The following GALNTL6 variants were observed in gnomAD, a reference collection of about 807,000 sequenced individuals.
The protein encoded by GALNTL6 is polypeptide N-acetylgalactosaminyltransferase like 6, also known as polypeptide N-acetylgalactosaminyltransferase-like 6.
In GALNTL6, 46 loss-of-function variants were observed where a neutral mutation model predicts 73.7. The ratio of observed to expected loss-of-function variants is 0.62; its 90% CI spans 0.49 to 0.80. GALNTL6 has a LOEUF of 0.80. Among genes scored for constraint, GALNTL6 ranks in the 30% least tolerant of loss-of-function variants. GALNTL6 has a pLI of 0.00. For synonymous variants in GALNTL6, 259 were observed against 263.7 expected (o/e 0.98, Z 0.17); for missense variants, 604 against 755.0 (o/e 0.80, Z 2.34).
chr4:172,397,205 A>G (rs1291387031), intron 5 of GALNTL6, among the ~76,000 whole-genome samples: 1 of 152,222 alleles, frequency 6.6e-6, no homozygotes, highest in Non-Finnish European at 1.5e-5. Context: ...AGGAGTCTTC[A>G]TATTACATAT....
chr4:172,659,638 G>A (rs757599599), intron 5 of GALNTL6, among the ~76,000 whole-genome samples: 1 of 151,974 alleles, frequency 6.6e-6, no homozygotes, highest in Non-Finnish European at 1.5e-5. Context: ...GTGCCTAATT[G>A]GATAGGCCAT....
chr4:172,870,052 G>GTCATCATCATCA (rs55936018), intron 7 of GALNTL6, among the ~76,000 whole-genome samples: 1 of 143,056 alleles, frequency 7.0e-6, no homozygotes, highest in Non-Finnish European at 1.5e-5. Context: ...GACCTTTACT[G>GTCATCATCATCA]TCATCATCAT....
At chr4:171,918,118 G>T (rs570871969) in intron 2 of GALNTL6, among the ~76,000 whole-genome samples, 1 of 152,098 alleles carries the variant, frequency 6.6e-6, no homozygotes, top group East Asian at 1.9e-4. Context: ...GTTTTGTTGT[G>T]CTGATTTCAT....
At chr4:172,100,876 G>A (rs1272161017) in intron 2 of GALNTL6, among the ~76,000 whole-genome samples, 5 of 152,082 alleles carry the variant, frequency 3.3e-5, no homozygotes, top group Non-Finnish European at 5.9e-5. Flanking sequence ...CTAGCTCATA[G>A]TATGGAAGTA....
intron 5 of GALNTL6, among the ~76,000 whole-genome samples, chr4:172,768,141 C>T (rs1179736061): frequency 7.9e-5 from 12 of 152,060 alleles, no homozygotes. Flanking sequence ...GAAGTCTATC[C>T]TATTTTATTG....
intron 10 of GALNTL6, among the ~76,000 whole-genome samples, chr4:172,988,831 C>T (rs917914796): frequency 2.0e-5 from 3 of 152,256 alleles, no homozygotes; most frequent in African/African-American, 7.2e-5. Flanking sequence ...TTGGCAGCTT[C>T]CACATGGTGT....
At chr4:171,928,941 C>T (rs915050576) in intron 2 of GALNTL6, among the ~76,000 whole-genome samples, 1 of 152,160 alleles carries the variant, frequency 6.6e-6, no homozygotes, top group Non-Finnish European at 1.5e-5. Context: ...TTAAGTGACA[C>T]ATGGCTATAA....
intron 5 of GALNTL6, among the ~76,000 whole-genome samples, chr4:172,366,228 A>G (rs769150979): frequency 4.6e-5 from 7 of 152,226 alleles, no homozygotes; most frequent in Non-Finnish European, 1.0e-4. Context: ...ACAGTTCATT[A>G]GTTAAATCTG....
At chr4:172,515,462 C>T (rs182719419) in intron 5 of GALNTL6, among the ~76,000 whole-genome samples, 12 of 152,264 alleles carry the variant, frequency 7.9e-5, no homozygotes, top group East Asian at 1.9e-4. Flanking sequence ...CCGGATTCTC[C>T]GAATATTTAG....
chr4:171,847,557 A>G (rs1416949869), intron 2 of GALNTL6, among the ~76,000 whole-genome samples: 1 of 152,088 alleles, frequency 6.6e-6, no homozygotes, highest in East Asian at 1.9e-4. Context: ...ATATCCTTTT[A>G]TCCACAGTAA....
rs576477318 is a variant in GALNTL6, at chr4:172,599,963, A to T, written c.554-209398A>T. 1.4e-4 allele frequency among the ~76,000 whole-genome samples: 21 copies of T among 152,268 alleles called. 1 individual carries two copies. In the South Asian group the frequency reaches 4.4e-3, roughly 32 times the overall value. On this transcript the variant is annotated intron_variant, in intron 5 of 12. Coordinates refer to ENST00000506823, the MANE Select transcript of GALNTL6 (RefSeq NM_001034845.3). ...CTTCTTTTACTGTAAGAAAGAAGAAATTTTTTATGAAAATACTGGGTAACA... is the reference window on the plus strand; with the variant it reads ...CTTCTTTTACTGTAAGAAAGAAGAATTTTTTTATGAAAATACTGGGTAACA...
At position 172,561,259 on chromosome 4, in the gene GALNTL6, CAAAAAAAA is replaced by C. The variant is rs59249298; in HGVS notation, c.553+212589_553+212596del. 6.0e-4 allele frequency among the ~76,000 whole-genome samples: 36 copies of C among 60,130 alleles called. 1 individual carries two copies. The highest frequency in any genetic ancestry group is 3.3e-3 in the African/African-American group (35 of 10,760). 39.4% of individuals were successfully genotyped at this position (60,130 alleles called of 152,430 possible). A position where few individuals can be genotyped will look rare whatever the true frequency, so the allele number is the denominator to read the frequency against. On this transcript the variant is annotated intron_variant, in intron 5 of 12. Coordinates refer to ENST00000506823, the MANE Select transcript of GALNTL6 (RefSeq NM_001034845.3). The stretch of plus-strand genomic sequence containing the variant: ...TGGGCGACAGAGAGAGACTCCGTCT[CAAAAAAAA>C]AAAAAAAAAAAAAAAAAATATTGCC...
intron 7 of GALNTL6, among the ~76,000 whole-genome samples, chr4:172,856,991 A>C (rs1744154428): frequency 6.6e-6 from 1 of 152,216 alleles, no homozygotes; most frequent in African/African-American, 2.4e-5. Context: ...TTTGGGCCAC[A>C]CATCTGCCTC....
At chr4:172,443,293 G>A (rs1243034238) in intron 5 of GALNTL6, among the ~76,000 whole-genome samples, 2 of 150,032 alleles carry the variant, frequency 1.3e-5, no homozygotes, top group African/African-American at 4.9e-5. Context: ...AGCCTCCCAA[G>A]TAGATGGGAT....
intron 4 of GALNTL6, among the ~76,000 whole-genome samples, chr4:172,323,938 C>T (rs1224263133): frequency 6.6e-6 from 1 of 152,002 alleles, no homozygotes; most frequent in African/African-American, 2.4e-5. Context: ...CCTAATAAAA[C>T]TGACTGTAAA....
At chr4:172,362,769 C>T (rs1229944481) in intron 5 of GALNTL6, among the ~76,000 whole-genome samples, 4 of 152,162 alleles carry the variant, frequency 2.6e-5, no homozygotes. Context: ...ATGACATCAT[C>T]ATCCATTGAA....
At chr4:172,589,132 G>C (rs1033729624) in intron 5 of GALNTL6, among the ~76,000 whole-genome samples, 5 of 152,026 alleles carry the variant, frequency 3.3e-5, no homozygotes, top group African/African-American at 1.2e-4. Flanking sequence ...TGGGAAAATA[G>C]GAGAAACACC....
chr4:172,186,077 A>G (rs1735406534), intron 2 of GALNTL6, among the ~76,000 whole-genome samples: 1 of 152,184 alleles, frequency 6.6e-6, no homozygotes, highest in Non-Finnish European at 1.5e-5. Context: ...GAGAATTAAA[A>G]TTACTGTGTG....
intron 2 of GALNTL6, among the ~76,000 whole-genome samples, chr4:172,077,663 A>G (rs529785242): frequency 6.6e-6 from 1 of 152,346 alleles, no homozygotes. Flanking sequence ...GAAACAGCAT[A>G]AAAGTTTGGA....
Sources: allele counts gnomAD v4.1 joint callset (sites outside exome capture counted in the v4.1 genomes callset), GRCh38; gene constraint gnomAD v4.1.1; transcripts MANE v1.5; gene names NCBI Gene and HGNC (gene_info 2026-07-23, HGNC 2026-07-21).